Variants in RANBP2 observed in about 807,000 individuals in gnomAD.
RANBP2 encodes the protein RAN binding protein 2, also known as E3 SUMO-protein ligase RanBP2.
In RANBP2, 57 loss-of-function variants were observed where a neutral mutation model predicts 303.6. That is an observed-to-expected ratio of 0.19 (90% CI 0.15 to 0.23). The LOEUF is 0.23. Ranked by LOEUF, RANBP2 falls within the 10% of genes least tolerant of loss-of-function variation. The pLI, the probability that RANBP2 is intolerant of heterozygous loss-of-function variation, is 1.00. For missense variants in RANBP2, 3,138 were observed against 3,780.8 expected (o/e 0.83, Z 4.46); for synonymous variants, 1,167 against 1,301.5 (o/e 0.90, Z 2.23).
the RANBP2 span, among the ~76,000 whole-genome samples, chr2:109,159,488 CAGCTTTCCTTGTTAATG>C: frequency 1.3e-5 from 2 of 152,218 alleles, no homozygotes; most frequent in South Asian, 4.1e-4. Context: ...TTTTACAAGT[CAGCTTTCCTTGTTAATG>C]AGCTTTCCTT....
At chr2:108,882,487 T>C in the RANBP2 span, 1 of 152,360 alleles carries the variant, frequency 6.6e-6, no homozygotes, top group South Asian at 2.1e-4. Flanking sequence ...TTTGGAATTC[T>C]CTAAAAGTGT....
At chr2:109,223,980 T>C in the RANBP2 span, among the ~76,000 whole-genome samples, 1 of 152,240 alleles carries the variant, frequency 6.6e-6, no homozygotes, top group Non-Finnish European at 1.5e-5. Flanking sequence ...CCAGCCTAGG[T>C]GACAGAGTGA....
chr2:109,322,186 C>T, the RANBP2 span, among the ~76,000 whole-genome samples: 1 of 152,118 alleles, frequency 6.6e-6, no homozygotes, highest in Non-Finnish European at 1.5e-5. Context: ...AGACTCAGCG[C>T]CCCTTCAAGC....
chr2:108,774,452 A>T (rs905963540), intron 23 of RANBP2, among the ~76,000 whole-genome samples: 1 of 152,188 alleles, frequency 6.6e-6, no homozygotes, highest in Non-Finnish European at 1.5e-5. Flanking sequence ...AGCCTGGACA[A>T]CAACATAGTG....
chr2:109,628,009 CTG>C, the RANBP2 span, among the ~76,000 whole-genome samples: 816 of 152,242 alleles, frequency 5.4e-3, 7 homozygotes, highest in African/African-American at 0.019. Flanking sequence ...GGGTGCGTAT[CTG>C]TGTCTTTGAT....
chr2:109,544,773 CTATT>C, the RANBP2 span: 4 of 817,764 alleles, frequency 4.9e-6, no homozygotes, highest in South Asian at 1.7e-4. Flanking sequence ...AGCTTTTATA[CTATT>C]TATTCTTTCA....
the RANBP2 span, among the ~76,000 whole-genome samples, chr2:109,415,285 T>C: frequency 6.6e-6 from 1 of 152,206 alleles, no homozygotes; most frequent in African/African-American, 2.4e-5. Context: ...TGTGAGGAAC[T>C]AACACCACGG....
the RANBP2 span, among the ~76,000 whole-genome samples, chr2:108,843,892 T>TC: frequency 7.3e-6 from 1 of 137,148 alleles, no homozygotes; most frequent in South Asian, 2.3e-4. Flanking sequence ...CTTTCTTTTT[T>TC]TTTTTTTTTT....
Position 108,772,520 on chromosome 2 carries a change from T to G in RANBP2, c.8052T>G (p.Leu2684=). 2 of 1,613,772 alleles carry G rather than the reference T, an allele frequency of 1.2e-6. No individual in the cohort carries two copies. The highest frequency in any genetic ancestry group is 1.3e-5 in the African/African-American group (1 of 75,032). The part of the protein sequence containing the change: ...DEDFETAVKK[L]NGKLYLDGSE... ...ATTTCGAAACAGCTGTCAAGAAACT[T>G]AATGGAAAACTATATTTGGATGGCT... The change falls in exon 22 of 29, where the codon CTT becomes CTG. Residue 2684 remains leucine, a synonymous_variant. Coordinates refer to ENST00000283195, the MANE Select transcript of RANBP2 (RefSeq NM_006267.5).
At chr2:109,424,876 G>A in the RANBP2 span, among the ~76,000 whole-genome samples, 3 of 152,130 alleles carry the variant, frequency 2.0e-5, no homozygotes, top group East Asian at 1.9e-4. Context: ...AGCTAGAGTC[G>A]AACATCTCTC....
the RANBP2 span, among the ~76,000 whole-genome samples, chr2:109,510,665 A>G: frequency 2.6e-5 from 4 of 152,130 alleles, no homozygotes; most frequent in South Asian, 2.1e-4. Context: ...CTTCCCAACA[A>G]AACAGCCACT....
chr2:109,543,188 T>A, the RANBP2 span: 54 of 152,660 alleles, frequency 3.5e-4, no homozygotes, highest in African/African-American at 1.3e-3. Flanking sequence ...AATATTCAGA[T>A]GTTCATAGTT....
chr2:108,773,679 G>T (rs1009041195), intron 23 of RANBP2, among the ~76,000 whole-genome samples: 2 of 148,132 alleles, frequency 1.4e-5, no homozygotes, highest in Non-Finnish European at 3.0e-5. Flanking sequence ...ATGGAGTTTC[G>T]CTCTGTCGCC....
At chr2:108,906,326 C>T in the RANBP2 span, 8 of 1,614,090 alleles carry the variant, frequency 5.0e-6, no homozygotes, top group African/African-American at 2.7e-5. Flanking sequence ...ACTCCACACA[C>T]GTTGGCATAC....
chr2:109,663,735 C>T, the RANBP2 span, among the ~76,000 whole-genome samples: 1 of 152,174 alleles, frequency 6.6e-6, no homozygotes, highest in Non-Finnish European at 1.5e-5. Context: ...GCCAGGAACA[C>T]TTGAGGCAAA....
At chr2:109,726,095 GTGTT>G in the RANBP2 span, among the ~76,000 whole-genome samples, 8 of 149,100 alleles carry the variant, frequency 5.4e-5, no homozygotes, top group Non-Finnish European at 1.2e-4. Context: ...GTGTGTGTGT[GTGTT>G]TGTGTTTTCC....
the RANBP2 span, among the ~76,000 whole-genome samples, chr2:109,371,420 G>A: frequency 6.6e-6 from 1 of 152,306 alleles, no homozygotes; most frequent in Admixed American, 6.5e-5. Flanking sequence ...GAAAGAGAGG[G>A]TGCTCCTGGG....
intron 26 of RANBP2, 123 bp from the exon 27 acceptor site, chr2:108,782,005 T>C: frequency 2.7e-6 from 3 of 1,093,450 alleles, no homozygotes; most frequent in East Asian, 2.5e-5. Context: ...TAACCAGTTA[T>C]CACATTAACA....
chr2:109,356,668 C>G, the RANBP2 span, among the ~76,000 whole-genome samples: 1 of 152,186 alleles, frequency 6.6e-6, no homozygotes, highest in Admixed American at 6.5e-5. Flanking sequence ...CAACCTGACC[C>G]TGCTGAACAC....
Sources: allele counts gnomAD v4.1 joint callset (sites outside exome capture counted in the v4.1 genomes callset), GRCh38; gene constraint gnomAD v4.1.1; transcripts MANE v1.5; gene names NCBI Gene and HGNC (gene_info 2026-07-23, HGNC 2026-07-21).